Variants in THEMIS observed in about 807,000 individuals in gnomAD.
The protein encoded by THEMIS is thymocyte selection associated.
Under a neutral mutation model 52.6 loss-of-function variants are expected in THEMIS, and 37 were observed. The ratio of observed to expected loss-of-function variants is 0.70; its 90% CI spans 0.54 to 0.93. THEMIS has a LOEUF of 0.93. THEMIS is among the 40% of genes least tolerant of loss of function. The pLI is 0.00. For synonymous variants in THEMIS, 292 were observed against 272.7 expected (o/e 1.07, Z -0.70); for missense variants, 808 against 763.1 (o/e 1.06, Z -0.69).
At chr6:127,911,069 A>G (rs1478445613) in intron 1 of THEMIS, among the ~76,000 whole-genome samples, 1 of 147,862 alleles carries the variant, frequency 6.8e-6, no homozygotes, top group African/African-American at 2.7e-5. Context: ...GAGGAAGACC[A>G]CAGAGGTAAA....
intron 4 of THEMIS, among the ~76,000 whole-genome samples, chr6:127,787,782 GT>G (rs1456583683): frequency 6.6e-6 from 1 of 150,408 alleles, no homozygotes; most frequent in Non-Finnish European, 1.5e-5. Flanking sequence ...AAGCTAAAAA[GT>G]CAGCCTGCCA....
chr6:127,845,900 A>G (rs1341606947), intron 2 of THEMIS, among the ~76,000 whole-genome samples: 2 of 151,920 alleles, frequency 1.3e-5, no homozygotes, highest in African/African-American at 2.4e-5. Flanking sequence ...ACACATGCCC[A>G]GGACTGTTTG....
At chr6:127,719,655 C>A in intron 5 of THEMIS, 33 bp downstream of exon 5, 1 of 1,558,750 alleles carries the variant, frequency 6.4e-7, no homozygotes, top group Non-Finnish European at 8.7e-7. Context: ...GTTAAACCAC[C>A]GTGGTTTAAC....
At chr6:127,905,188 C>G (rs535311250), upstream of THEMIS, among the ~76,000 whole-genome samples, 24 of 152,096 alleles carry the variant, frequency 1.6e-4, no homozygotes, top group African/African-American at 5.8e-4. Context: ...AGAAGGCACA[C>G]TAAGGAACAT....
At chr6:127,851,954 G>T (rs1028395736) in intron 2 of THEMIS, among the ~76,000 whole-genome samples, 1 of 151,588 alleles carries the variant, frequency 6.6e-6, no homozygotes, top group Non-Finnish European at 1.5e-5. Context: ...TCTATGGAAT[G>T]CATATTGCTT....
intron 3 of THEMIS, among the ~76,000 whole-genome samples, chr6:127,828,182 G>A (rs1254438699): frequency 1.3e-5 from 2 of 152,132 alleles, no homozygotes; most frequent in African/African-American, 2.4e-5. Flanking sequence ...CTTAGGTTCT[G>A]GGTTTACCCT....
chr6:127,855,758 G>T (rs1345511424), intron 1 of THEMIS, among the ~76,000 whole-genome samples: 2 of 151,814 alleles, frequency 1.3e-5, no homozygotes, highest in Admixed American at 1.3e-4. Context: ...GGCGATAGGG[G>T]GCAGACCAAC....
chr6:127,760,086 T>TC (rs892687128), intron 4 of THEMIS, among the ~76,000 whole-genome samples: 1 of 151,134 alleles, frequency 6.6e-6, no homozygotes, highest in African/African-American at 2.4e-5. Context: ...CGAATCTCTT[T>TC]TTTTTTTTTT....
chr6:127,699,604 A>G, the THEMIS span, among the ~76,000 whole-genome samples: 1 of 151,694 alleles, frequency 6.6e-6, no homozygotes, highest in Non-Finnish European at 1.5e-5. Flanking sequence ...TTGATAGAAC[A>G]GAGATATCAG....
At chr6:127,889,050 T>C (rs1327111831) in intron 1 of THEMIS, among the ~76,000 whole-genome samples, 9 of 152,108 alleles carry the variant, frequency 5.9e-5, no homozygotes, top group African/African-American at 2.2e-4. Context: ...GTATATTTCT[T>C]ATTTCACTAC....
chr6:127,874,136 C>A (rs1415227811), intron 1 of THEMIS, among the ~76,000 whole-genome samples: 3 of 152,296 alleles, frequency 2.0e-5, no homozygotes. Context: ...CTTTTTACTG[C>A]AATTCACAAT....
At chr6:127,722,364 T>C (rs903176219) in intron 4 of THEMIS, among the ~76,000 whole-genome samples, 3 of 152,020 alleles carry the variant, frequency 2.0e-5, no homozygotes, top group Non-Finnish European at 4.4e-5. Flanking sequence ...CTGCACATTA[T>C]ACCCTGGCAT....
intron 3 of THEMIS, among the ~76,000 whole-genome samples, chr6:127,819,246 A>G (rs1413375536): frequency 6.6e-6 from 1 of 151,724 alleles, no homozygotes; most frequent in East Asian, 1.9e-4. Context: ...GCTTGAAGAT[A>G]TGTCAATTAA....
chr6:127,871,285 C>A (rs1780149471), intron 1 of THEMIS, among the ~76,000 whole-genome samples: 2 of 151,760 alleles, frequency 1.3e-5, no homozygotes, highest in South Asian at 2.1e-4. Context: ...ATATTTATAC[C>A]TATATACATA....
intron 4 of THEMIS, among the ~76,000 whole-genome samples, chr6:127,796,599 A>G (rs765970970): frequency 2.6e-5 from 4 of 152,322 alleles, no homozygotes; most frequent in Middle Eastern, 3.4e-3. Flanking sequence ...GCATTGCCAA[A>G]ACTATATGAA....
chr6:127,883,600 G>T (rs1378691841), intron 1 of THEMIS, among the ~76,000 whole-genome samples: 2 of 151,782 alleles, frequency 1.3e-5, no homozygotes, highest in African/African-American at 2.4e-5. Flanking sequence ...GCAATTTTTT[G>T]ACTTTATGAT....
At chr6:127,915,019 G>C (rs1448228789) in intron 1 of THEMIS, among the ~76,000 whole-genome samples, 1 of 152,090 alleles carries the variant, frequency 6.6e-6, no homozygotes, top group Non-Finnish European at 1.5e-5. Flanking sequence ...TTAGAATCAA[G>C]TTTATATAAT....
chr6:127,733,456 C>T (rs901911194), intron 4 of THEMIS, among the ~76,000 whole-genome samples: 4 of 152,170 alleles, frequency 2.6e-5, no homozygotes, highest in African/African-American at 9.7e-5. Context: ...GAATCTGCAG[C>T]CTAACAATTC....
intron 4 of THEMIS, among the ~76,000 whole-genome samples, chr6:127,785,262 T>TCA (rs58702039): frequency 2.7e-5 from 4 of 146,758 alleles, no homozygotes; most frequent in African/African-American, 7.8e-5. Flanking sequence ...CATCTATCTA[T>TCA]TTATCACCTA....
Sources: allele counts gnomAD v4.1 joint callset (sites outside exome capture counted in the v4.1 genomes callset), GRCh38; gene constraint gnomAD v4.1.1; transcripts MANE v1.5; gene names NCBI Gene and HGNC (gene_info 2026-07-23, HGNC 2026-07-21).